The following AUTS2 variants were observed in gnomAD, a reference collection of about 807,000 sequenced individuals.
AUTS2 encodes the protein activator of transcription and developmental regulator AUTS2, also known as autism susceptibility gene 2 protein.
A neutral mutation model predicts 112.4 loss-of-function variants in AUTS2; 17 were observed. That is an observed-to-expected ratio of 0.15 (90% CI 0.10 to 0.23). The LOEUF (loss-of-function observed/expected upper bound fraction) is 0.23. AUTS2 is among the 10% of genes least tolerant of loss of function. The probability of loss-of-function intolerance (pLI) is 1.00; values close to 1 mark genes in which losing one functional copy is unlikely to be tolerated. For missense variants in AUTS2, 1,510 were observed against 1,701.6 expected (o/e 0.89, Z 1.98); for synonymous variants, 751 against 702.7 (o/e 1.07, Z -1.09).
intron 5 of AUTS2, among the ~76,000 whole-genome samples, chr7:70,648,140 T>A (rs781648131): frequency 2.6e-5 from 4 of 152,228 alleles, no homozygotes; most frequent in Non-Finnish European, 5.9e-5. Flanking sequence ...GAGGGTTCCA[T>A]GAACTAAAAC....
chr7:69,786,286 A>T (rs1227993236), intron 1 of AUTS2, among the ~76,000 whole-genome samples: 1 of 152,250 alleles, frequency 6.6e-6, no homozygotes. Flanking sequence ...AAAATGCACC[A>T]ATCAGCGCTC....
intron 1 of AUTS2, among the ~76,000 whole-genome samples, chr7:69,849,746 A>G (rs1452078872): frequency 2.0e-5 from 3 of 151,992 alleles, no homozygotes; most frequent in Admixed American, 6.6e-5. Context: ...CTATCCATCA[A>G]CCTTGTTGCT....
intron 5 of AUTS2, among the ~76,000 whole-genome samples, chr7:70,451,528 T>C (rs1261955162): frequency 6.6e-6 from 1 of 152,184 alleles, no homozygotes; most frequent in Non-Finnish European, 1.5e-5. Flanking sequence ...TAAATGTACA[T>C]TTCAGTAGTA....
intron 4 of AUTS2, among the ~76,000 whole-genome samples, chr7:70,305,974 G>A (rs1449785142): frequency 6.6e-6 from 1 of 151,906 alleles, no homozygotes; most frequent in Non-Finnish European, 1.5e-5. Flanking sequence ...AAACCATGTA[G>A]GCCAAGAAAT....
At chr7:70,713,528 C>T (rs955604980) in intron 6 of AUTS2, among the ~76,000 whole-genome samples, 3 of 152,146 alleles carry the variant, frequency 2.0e-5, no homozygotes, top group Non-Finnish European at 4.4e-5. Context: ...AGGCATCTTC[C>T]AAAACTAGTT....
chr7:70,662,635 C>A (rs187394023), intron 5 of AUTS2, among the ~76,000 whole-genome samples: 120 of 152,290 alleles, frequency 7.9e-4, no homozygotes, highest in Middle Eastern at 6.8e-3. Flanking sequence ...TCATTTTCCT[C>A]CAGCCTTTCC....
At chr7:69,673,803 A>G (rs1796443629) in intron 1 of AUTS2, among the ~76,000 whole-genome samples, 2 of 152,228 alleles carry the variant, frequency 1.3e-5, no homozygotes, top group Non-Finnish European at 2.9e-5. Context: ...CTATTCCACC[A>G]TGTGCTCCAG....
intron 2 of AUTS2, among the ~76,000 whole-genome samples, chr7:69,952,616 A>G (rs1301788745): frequency 6.6e-6 from 1 of 152,118 alleles, no homozygotes; most frequent in Non-Finnish European, 1.5e-5. Flanking sequence ...TCAGAACTGT[A>G]GCATTGGACT....
At chr7:70,009,782 C>T (rs887902578) in intron 2 of AUTS2, among the ~76,000 whole-genome samples, 1 of 152,164 alleles carries the variant, frequency 6.6e-6, no homozygotes, top group African/African-American at 2.4e-5. Context: ...TGCTAAAATA[C>T]TTGCCCAAGG....
chr7:70,746,719 GA>G (rs1585617790), intron 6 of AUTS2, among the ~76,000 whole-genome samples: 1 of 152,064 alleles, frequency 6.6e-6, no homozygotes, highest in East Asian at 1.9e-4. Flanking sequence ...AGGAGAGGGA[GA>G]GGGGGGCAGG....
chr7:69,614,370 TTAAGAG>T (rs1793244786), intron 1 of AUTS2, among the ~76,000 whole-genome samples: 5 of 28,562 alleles, frequency 1.8e-4, no homozygotes, highest in Admixed American at 3.3e-4. Context: ...CTTTCTTTTT[TTAAGAG>T]ATGGGATCTC....
chr7:70,154,847 C>T (rs1201597125), intron 4 of AUTS2, among the ~76,000 whole-genome samples: 3 of 151,220 alleles, frequency 2.0e-5, no homozygotes, highest in African/African-American at 7.3e-5. Context: ...TGGTTGGGTG[C>T]TTTTTTTTTC....
chr7:70,078,307 A>T (rs1179270955), intron 2 of AUTS2, among the ~76,000 whole-genome samples: 1 of 152,148 alleles, frequency 6.6e-6, no homozygotes, highest in Non-Finnish European at 1.5e-5. Flanking sequence ...CAAAGAGATG[A>T]TTCTCATCCT....
At chr7:69,879,839 A>G (rs1793965807) in intron 1 of AUTS2, among the ~76,000 whole-genome samples, 1 of 151,976 alleles carries the variant, frequency 6.6e-6, no homozygotes, top group African/African-American at 2.4e-5. Context: ...TTACCCTGTC[A>G]CTCAGGCTGG....
At chr7:70,363,465 G>GAAAAAAAAAAAAAAAAAAAAAAA (rs369462886) in intron 4 of AUTS2, among the ~76,000 whole-genome samples, 1 of 110,776 alleles carries the variant, frequency 9.0e-6, no homozygotes, top group Non-Finnish European at 1.9e-5. Context: ...ATAAAAAAAA[G>GAAAAAAAAAAAAAAAAAAAAAAA]AAAAAAAAAA....
rs753338956 is a variant in AUTS2, at chr7:70,789,931, C to T, written c.2715C>T (p.Ala905=). ...RDHSESRKDL[A]ADEHKAKEGH... is the part of the protein sequence containing the mutation. ...ACTCGGAATCCCGCAAGGACCTGGC[C>T]GCCGACGAGCACAAGGCGAAAGAGG... Residue 905 remains alanine, a synonymous_variant, in exon 19 of 19, where the codon GCC becomes GCT. Coordinates refer to ENST00000342771, the MANE Select transcript of AUTS2 (RefSeq NM_015570.4). 1.1e-5 allele frequency: 18 copies of T among 1,613,884 alleles called. No homozygotes were observed. Among genetic ancestry groups the T allele is most frequent in the South Asian group, 6.6e-5 (6 of 91,070 alleles).
intron 4 of AUTS2, among the ~76,000 whole-genome samples, chr7:70,190,602 C>T (rs1371253116): frequency 1.3e-5 from 2 of 152,142 alleles, no homozygotes; most frequent in Non-Finnish European, 2.9e-5. Context: ...ACAGTGCATT[C>T]GGGTAAGGTG....
At chr7:70,649,721 G>A (rs1806390932) in intron 5 of AUTS2, among the ~76,000 whole-genome samples, 1 of 151,954 alleles carries the variant, frequency 6.6e-6, no homozygotes, top group Admixed American at 6.6e-5. Context: ...GTAGAGATGG[G>A]CCTTCACCAT....
At chr7:70,360,663 C>A (rs966826717) in intron 4 of AUTS2, among the ~76,000 whole-genome samples, 50 of 152,132 alleles carry the variant, frequency 3.3e-4, no homozygotes, top group Admixed American at 9.8e-4. Context: ...ACTTTCTGCT[C>A]TCTTTTCCTT....
Sources: gnomAD v4.1 joint callset for allele counts (sites outside exome capture counted in the v4.1 genomes callset) on GRCh38, gnomAD v4.1.1 for gene constraint, MANE v1.5 for transcripts, NCBI Gene and HGNC (gene_info 2026-07-23, HGNC 2026-07-21) for gene names.